The following NRXN1 variants were observed in gnomAD, a reference collection of about 807,000 sequenced individuals.
NRXN1 encodes neurexin 1, also known as neurexin-1.
In NRXN1, 39 loss-of-function variants were observed where a neutral mutation model predicts 150.9. That is an observed-to-expected ratio of 0.26 (90% CI 0.20 to 0.34). NRXN1 has a LOEUF of 0.34. Among genes scored for constraint, NRXN1 ranks in the 10% least tolerant of loss-of-function variants. The pLI, the probability that NRXN1 is intolerant of heterozygous loss-of-function variation, is 1.00. For synonymous variants in NRXN1, 924 were observed against 757.0 expected, an observed-to-expected ratio of 1.22 and a Z score of -3.62; for missense variants, 1,815 against 1,949.9, an observed-to-expected ratio of 0.93 and a Z score of 1.30.
At chr2:50,776,667 C>CAT (rs1162874115) in intron 5 of NRXN1, among the ~76,000 whole-genome samples, 5 of 151,546 alleles carry the variant, frequency 3.3e-5, no homozygotes, top group Non-Finnish European at 1.5e-5. Flanking sequence ...CACACACACA[C>CAT]ACACACACAC....
intron 17 of NRXN1, among the ~76,000 whole-genome samples, chr2:50,255,215 T>C (rs2067580539): frequency 6.6e-6 from 1 of 152,204 alleles, no homozygotes; most frequent in Non-Finnish European, 1.5e-5. Context: ...GTAAGATTTA[T>C]AACTCAACGA....
chr2:50,376,915 G>A (rs995664148), intron 17 of NRXN1, among the ~76,000 whole-genome samples: 2 of 151,674 alleles, frequency 1.3e-5, no homozygotes, highest in South Asian at 2.1e-4. Flanking sequence ...ACCGCTCTGC[G>A]CTTCTGTTCC....
At chr2:50,044,169 A>G (rs1287129774) in intron 21 of NRXN1, among the ~76,000 whole-genome samples, 3 of 152,152 alleles carry the variant, frequency 2.0e-5, no homozygotes, top group Non-Finnish European at 4.4e-5. Context: ...TTCATACTTT[A>G]CTCCATGTCG....
chr2:50,827,863 C>G (rs898527311), intron 5 of NRXN1, among the ~76,000 whole-genome samples: 2 of 149,474 alleles, frequency 1.3e-5, no homozygotes, highest in Non-Finnish European at 3.0e-5. Flanking sequence ...TTGCACCGCC[C>G]TTAATCCATT....
chr2:50,365,555 T>G (rs1006130134), intron 17 of NRXN1, among the ~76,000 whole-genome samples: 4 of 152,120 alleles, frequency 2.6e-5, no homozygotes, highest in East Asian at 1.9e-4. Context: ...AAAGTCTTCA[T>G]AGCTAAATAA....
intron 15 of NRXN1, among the ~76,000 whole-genome samples, chr2:50,491,021 G>A (rs1047488279): frequency 2.6e-5 from 4 of 152,006 alleles, no homozygotes; most frequent in African/African-American, 9.7e-5. Flanking sequence ...AGGACAGCAG[G>A]ACCTTCCCTC....
At chr2:50,092,207 C>A (rs1006399291) in intron 18 of NRXN1, among the ~76,000 whole-genome samples, 1 of 152,128 alleles carries the variant, frequency 6.6e-6, no homozygotes, top group African/African-American at 2.4e-5. Context: ...AAAATGAACG[C>A]CCTCTTCACT....
intron 21 of NRXN1, among the ~76,000 whole-genome samples, chr2:49,974,944 G>C (rs1487073426): frequency 6.6e-6 from 1 of 151,602 alleles, no homozygotes; most frequent in Non-Finnish European, 1.5e-5. Flanking sequence ...CCTTTTCTCT[G>C]AAATTTACAA....
intron 18 of NRXN1, among the ~76,000 whole-genome samples, chr2:50,186,991 C>T (rs1440582786): frequency 6.6e-6 from 1 of 152,036 alleles, no homozygotes; most frequent in Non-Finnish European, 1.5e-5. Context: ...TAAACAACAT[C>T]TGCAAAACAG....
intron 18 of NRXN1, among the ~76,000 whole-genome samples, chr2:50,164,622 A>T (rs913305847): frequency 6.6e-6 from 1 of 152,164 alleles, no homozygotes; most frequent in African/African-American, 2.4e-5. Context: ...CCAAGAAGAA[A>T]TAAATACTTC....
chr2:50,932,037 T>C (rs1172876908), intron 2 of NRXN1, among the ~76,000 whole-genome samples: 6 of 151,866 alleles, frequency 4.0e-5, no homozygotes, highest in African/African-American at 1.2e-4. Flanking sequence ...AATTTTTGCA[T>C]TTTTTTAGTA....
intron 17 of NRXN1, among the ~76,000 whole-genome samples, chr2:50,444,177 G>T (rs960496704): frequency 1.3e-5 from 2 of 152,108 alleles, no homozygotes; most frequent in African/African-American, 4.8e-5. Context: ...AAAATCTTTA[G>T]TCTTAGATAG....
chr2:50,129,473 G>C (rs931710861), intron 18 of NRXN1, among the ~76,000 whole-genome samples: 5 of 152,052 alleles, frequency 3.3e-5, no homozygotes, highest in African/African-American at 1.2e-4. Context: ...AGTTTATATA[G>C]GATTACTTTT....
At chr2:50,026,822 T>C (rs1302178971) in intron 21 of NRXN1, among the ~76,000 whole-genome samples, 1 of 150,666 alleles carries the variant, frequency 6.6e-6, no homozygotes, top group East Asian at 2.0e-4. Context: ...ATGATATTTA[T>C]GTGCTACTCA....
intron 17 of NRXN1, among the ~76,000 whole-genome samples, chr2:50,276,847 T>A (rs2152927875): frequency 6.6e-6 from 1 of 152,236 alleles, no homozygotes; most frequent in East Asian, 1.9e-4. Flanking sequence ...GAACTTGCTA[T>A]TTATGCCAAA....
chr2:50,948,155 A>C (rs1223675015), intron 2 of NRXN1, among the ~76,000 whole-genome samples: 2 of 151,988 alleles, frequency 1.3e-5, no homozygotes, highest in Non-Finnish European at 2.9e-5. Context: ...TTGTCTCTAA[A>C]TACACTTGAA....
At chr2:50,554,717 C>G (rs563774616) in intron 8 of NRXN1, among the ~76,000 whole-genome samples, 1 of 152,002 alleles carries the variant, frequency 6.6e-6, no homozygotes. Context: ...AGAAATAAAG[C>G]CCACACATAT....
intron 8 of NRXN1, among the ~76,000 whole-genome samples, chr2:50,579,246 C>G (rs1671888060): frequency 6.6e-6 from 1 of 152,152 alleles, no homozygotes. Flanking sequence ...TTTTCTGATA[C>G]TAAGTCTAGG....
intron 19 of NRXN1, among the ~76,000 whole-genome samples, chr2:50,077,056 C>T (rs147198973): frequency 2.8e-4 from 42 of 152,202 alleles, no homozygotes; most frequent in Middle Eastern, 3.4e-3. Context: ...AATGAATCTC[C>T]CTGTGTTTGC....
Sources: gnomAD v4.1 joint callset for allele counts (sites outside exome capture counted in the v4.1 genomes callset) on GRCh38, gnomAD v4.1.1 for gene constraint, MANE v1.5 for transcripts, NCBI Gene and HGNC (gene_info 2026-07-23, HGNC 2026-07-21) for gene names.